Variants in CYTH3 observed in about 807,000 individuals in gnomAD.
The protein encoded by CYTH3 is cytohesin 3, also known as cytohesin-3.
CYTH3 carries 23 observed loss-of-function variants against 55.1 expected under a neutral mutation model. That is an observed-to-expected ratio of 0.42 (90% CI 0.30 to 0.59). The LOEUF is 0.59. CYTH3 is among the 20% of genes least tolerant of loss of function. The probability of loss-of-function intolerance (pLI) is 0.20; values close to 1 mark genes in which losing one functional copy is unlikely to be tolerated. For synonymous variants in CYTH3, 249 were observed against 194.9 expected, an observed-to-expected ratio of 1.28 and a Z score of -2.31; for missense variants, 413 against 524.8, an observed-to-expected ratio of 0.79 and a Z score of 2.08.
chr7:6,243,134 C>T (rs1779716535), intron 1 of CYTH3, among the ~76,000 whole-genome samples: 1 of 152,224 alleles, frequency 6.6e-6, no homozygotes, highest in Non-Finnish European at 1.5e-5. Flanking sequence ...GTCAAGCCAG[C>T]AACTCTCTGC....
chr7:6,216,597 C>G (rs1193682546), intron 1 of CYTH3, among the ~76,000 whole-genome samples: 1 of 151,538 alleles, frequency 6.6e-6, no homozygotes, highest in Non-Finnish European at 1.5e-5. Context: ...AAAAATTAGC[C>G]GGGTGTGGTG....
chr7:6,260,661 A>G (rs1456427940), intron 1 of CYTH3, among the ~76,000 whole-genome samples: 4 of 152,076 alleles, frequency 2.6e-5, no homozygotes, highest in African/African-American at 9.7e-5. Context: ...TGCATTCAAC[A>G]CAGCTGATCG....
At chr7:6,255,729 T>C (rs1429272342) in intron 1 of CYTH3, among the ~76,000 whole-genome samples, 1 of 150,926 alleles carries the variant, frequency 6.6e-6, no homozygotes, top group Non-Finnish European at 1.5e-5. Context: ...CTCAGGTTAG[T>C]GTGACTACCC....
rs539556476 is a variant in CYTH3 at position 6,223,384 on chromosome 7, G to A, written c.35-32853C>T. ...CCATGATGACGATGGCGGTTTTGTC[G>A]AAAAGAAAAGGGGGAAATGTGGGGA... On this transcript the variant is annotated intron_variant, in intron 1 of 12. Coordinates refer to ENST00000350796, the MANE Select transcript of CYTH3 (RefSeq NM_004227.4). 2.0e-3 allele frequency among the ~76,000 whole-genome samples: 306 copies of A among 152,294 alleles called. 2 individuals carry two copies. The East Asian group carries it at 0.024, about 12-fold the overall frequency.
chr7:6,161,901 C>G lies in CYTH3; in HGVS notation c.*3043G>C, dbSNP rs1384339729. ...TATCAATAGAGGCTGTTCCTTCATGCGAGCTGTGGGAGTATATACATCATT... is the reference window on the plus strand; with the variant it reads ...TATCAATAGAGGCTGTTCCTTCATGGGAGCTGTGGGAGTATATACATCATT... On this transcript the variant is annotated 3_prime_UTR_variant, in exon 13 of 13. Coordinates refer to ENST00000350796, the MANE Select transcript of CYTH3 (RefSeq NM_004227.4). 1.3e-5 allele frequency: 2 copies of G among 152,570 alleles called. No homozygotes were observed. Among genetic ancestry groups the G allele is most frequent in the African/African-American group, 4.8e-5 (2 of 41,414 alleles). 9.5% of individuals were successfully genotyped at this position (152,570 alleles called of 1,614,324 possible).
rs148861234 is a variant in CYTH3, at chr7:6,207,143, G to A, written c.35-16612C>T. ...GGAGTCTCACTCCGTCGCCCAGGCTGGAGTGCAGTGGCGCGATCTTGGCTC... is the reference window on the plus strand; with the variant it reads ...GGAGTCTCACTCCGTCGCCCAGGCTAGAGTGCAGTGGCGCGATCTTGGCTC... On this transcript the variant is annotated intron_variant, in intron 1 of 12. Coordinates refer to ENST00000350796, the MANE Select transcript of CYTH3 (RefSeq NM_004227.4). 3.1e-3 allele frequency among the ~76,000 whole-genome samples: 410 copies of A among 131,286 alleles called. 2 individuals are homozygous for A. Among genetic ancestry groups the A allele is most frequent in the African/African-American group, 0.012 (391 of 33,676 alleles). The allele number at this position is 131,286 out of a possible 152,430, so 86.1% of individuals were successfully genotyped here.
rs889247871 is a variant in CYTH3, at chr7:6,272,603, G to A, written c.-96C>T. 1.4e-5 allele frequency: 14 copies of A among 978,946 alleles called. No homozygotes were observed. Among genetic ancestry groups the A allele is most frequent in the African/African-American group, 1.1e-4 (6 of 57,068 alleles). 60.6% of individuals were successfully genotyped at this position (978,946 alleles called of 1,614,324 possible). On this transcript the variant is annotated 5_prime_UTR_variant, in exon 1 of 13. Transcript: ENST00000350796. ...GGAGGGAGCGCGCAGGCGACCGGGC[G>A]GCTCCTCAGCGCGCGGCCCGGGTCG...
intron 1 of CYTH3, among the ~76,000 whole-genome samples, chr7:6,199,334 A>G (rs1025154742): frequency 1.3e-5 from 2 of 152,206 alleles, no homozygotes; most frequent in African/African-American, 4.8e-5. Flanking sequence ...GACTGGATTT[A>G]TCCTGTTGCC....
intron 3 of CYTH3, 55 bp downstream of exon 3, chr7:6,187,602 A>C: frequency 1.3e-6 from 2 of 1,486,096 alleles, no homozygotes; most frequent in Non-Finnish European, 1.9e-6. Context: ...TGACTACAGG[A>C]TGGAGGTAGA....
intron 1 of CYTH3, among the ~76,000 whole-genome samples, chr7:6,237,655 G>A (rs936466421): frequency 6.6e-6 from 1 of 152,096 alleles, no homozygotes; most frequent in Admixed American, 6.6e-5. Context: ...GTTGCAGTGA[G>A]CCCAGATCGC....
intron 1 of CYTH3, among the ~76,000 whole-genome samples, chr7:6,243,660 C>A (rs533657158): frequency 6.6e-6 from 1 of 152,192 alleles, no homozygotes; most frequent in Non-Finnish European, 1.5e-5. Flanking sequence ...TAAATTACAG[C>A]CAGCCATTCC....
rs1435144843 is a variant in CYTH3, at chr7:6,182,118, G to A, written c.250-4177C>T. 2.6e-5 allele frequency among the ~76,000 whole-genome samples: 4 copies of A among 152,094 alleles called. No individual in the cohort carries two copies. The East Asian group carries it at 7.7e-4, about 29-fold the overall frequency. ...GCTGGAGTGCATTAGTGCAATCTAG[G>A]CTCACTGCAACCTCCACCTCCTGGG... is the stretch of plus-strand genomic sequence containing the variant. On this transcript the variant is annotated intron_variant, in intron 4 of 12. Transcript: ENST00000350796.
chr7:6,269,498 G>T (rs912625275), intron 1 of CYTH3, among the ~76,000 whole-genome samples: 3 of 152,046 alleles, frequency 2.0e-5, no homozygotes, highest in African/African-American at 7.2e-5. Flanking sequence ...CATCTGCCAG[G>T]GATGGTCCAT....
At chr7:6,177,738 TG>T in intron 5 of CYTH3, 84 bp downstream of exon 5, 1 of 1,056,752 alleles carries the variant, frequency 9.5e-7, no homozygotes, top group Admixed American at 1.8e-5. Flanking sequence ...TAGGCTGTGA[TG>T]GCCCCGAAAG....
rs577558106 is a variant in CYTH3 at position 6,169,105 on chromosome 7, A to T, written c.823+1430T>A. On this transcript the variant is annotated intron_variant, in intron 9 of 12. Transcript: ENST00000350796. The surrounding 1 kb of genome is among the most constrained non-coding windows in gnomAD (Gnocchi z 4.1). ...CTAAACCTCGGTACAGCCAGAAAAAAGTCAAAGAGCAATGGCCAAGGTCAA... is the reference window on the plus strand; with the variant it reads ...CTAAACCTCGGTACAGCCAGAAAAATGTCAAAGAGCAATGGCCAAGGTCAA... 1.3e-5 allele frequency among the ~76,000 whole-genome samples: 2 copies of T among 152,326 alleles called. No individual in the cohort carries two copies. Among genetic ancestry groups the T allele is most frequent in the African/African-American group, 4.8e-5 (2 of 41,580 alleles).
At chr7:6,254,535 G>A (rs918276798) in intron 1 of CYTH3, among the ~76,000 whole-genome samples, 2 of 152,198 alleles carry the variant, frequency 1.3e-5, no homozygotes, top group Non-Finnish European at 2.9e-5. Context: ...TGCAACCTCC[G>A]CCTCCCAGGC....
chr7:6,207,088 T>A (rs1340012401), intron 1 of CYTH3, among the ~76,000 whole-genome samples: 1 of 105,794 alleles, frequency 9.5e-6, no homozygotes, highest in African/African-American at 3.8e-5. Context: ...ATGTGCAACT[T>A]TTTTTTTTTT....
intron 1 of CYTH3, among the ~76,000 whole-genome samples, chr7:6,269,044 G>A (rs1276635246): frequency 1.3e-5 from 2 of 152,138 alleles, no homozygotes; most frequent in African/African-American, 4.8e-5. Flanking sequence ...CCTGAGGCAG[G>A]CCTAAGGGAA....
At chr7:6,172,580 T>A (rs764015516) in intron 6 of CYTH3, 1 of 447,846 alleles carries the variant, frequency 2.2e-6, no homozygotes, top group Non-Finnish European at 3.1e-6. Flanking sequence ...GCCCATCCTG[T>A]GCCTCCATCA....
Sources: allele counts gnomAD v4.1 joint callset (sites outside exome capture counted in the v4.1 genomes callset), GRCh38; gene constraint gnomAD v4.1.1; non-coding constraint Gnocchi (gnomAD v3.1); transcripts MANE v1.5; gene names NCBI Gene and HGNC (gene_info 2026-07-23, HGNC 2026-07-21).